Variants in CACNA2D1 observed in about 807,000 individuals in gnomAD.
CACNA2D1 encodes calcium voltage-gated channel auxiliary subunit alpha2delta 1, also known as voltage-dependent calcium channel subunit alpha-2/delta-1.
In CACNA2D1, 53 loss-of-function variants were observed where a neutral mutation model predicts 171.5. The observed-to-expected ratio is 0.31, with a 90% CI of 0.25 to 0.39. The LOEUF is 0.39. CACNA2D1 is among the 10% of genes least tolerant of loss of function. The pLI is 1.00. For synonymous variants in CACNA2D1, 442 were observed against 443.1 expected, an observed-to-expected ratio of 1.00 and a Z score of 0.03; for missense variants, 903 against 1,299.8, an observed-to-expected ratio of 0.69 and a Z score of 4.69.
chr7:82,320,674 C>A (rs1007471954), intron 3 of CACNA2D1, among the ~76,000 whole-genome samples: 1 of 151,506 alleles, frequency 6.6e-6, no homozygotes, highest in Non-Finnish European at 1.5e-5. Flanking sequence ...CTCAGCCTCC[C>A]AAAATGTTGA....
At chr7:82,259,107 G>A (rs114847721) in intron 3 of CACNA2D1, among the ~76,000 whole-genome samples, 1,587 of 152,114 alleles carry the variant, frequency 0.01, 22 homozygotes, top group African/African-American at 0.036. Flanking sequence ...AATTACAGGC[G>A]TGAGCCACCA....
At chr7:82,314,684 T>C (rs1026135901) in intron 3 of CACNA2D1, among the ~76,000 whole-genome samples, 12 of 152,174 alleles carry the variant, frequency 7.9e-5, no homozygotes, top group Admixed American at 3.9e-4. Flanking sequence ...AAAAAATATT[T>C]ACCAATTTTA....
intron 3 of CACNA2D1, among the ~76,000 whole-genome samples, chr7:82,300,639 C>T (rs1447660641): frequency 6.6e-6 from 1 of 152,050 alleles, no homozygotes; most frequent in Non-Finnish European, 1.5e-5. Context: ...AACTTAAGGA[C>T]ATTATTAAAT....
chr7:82,217,815 A>C (rs941330323), intron 3 of CACNA2D1, among the ~76,000 whole-genome samples: 2 of 151,700 alleles, frequency 1.3e-5, no homozygotes, highest in East Asian at 1.9e-4. Flanking sequence ...GTTTTTCATC[A>C]TTCTGTCACC....
intron 8 of CACNA2D1, among the ~76,000 whole-genome samples, chr7:82,065,728 CTTCA>C (rs1807519278): frequency 6.6e-6 from 1 of 152,122 alleles, no homozygotes; most frequent in African/African-American, 2.4e-5. Flanking sequence ...TCCATATAGT[CTTCA>C]TTCAAATGAT....
chr7:82,161,897 A>G (rs1180118985), intron 4 of CACNA2D1, among the ~76,000 whole-genome samples: 1 of 152,032 alleles, frequency 6.6e-6, no homozygotes, highest in Admixed American at 6.6e-5. Flanking sequence ...CTAAATTTAG[A>G]CAACATTAAA....
At chr7:82,092,767 T>A (rs1414286978) in intron 6 of CACNA2D1, among the ~76,000 whole-genome samples, 1 of 152,012 alleles carries the variant, frequency 6.6e-6, no homozygotes, top group African/African-American at 2.4e-5. Flanking sequence ...ATTTCTATTC[T>A]ATATTTTAGA....
chr7:81,976,645 G>C (rs909867797), intron 24 of CACNA2D1, among the ~76,000 whole-genome samples: 3 of 152,134 alleles, frequency 2.0e-5, no homozygotes, highest in Non-Finnish European at 2.9e-5. Flanking sequence ...ACGAGGTCAA[G>C]AGTTTCAGGC....
intron 38 of CACNA2D1, among the ~76,000 whole-genome samples, chr7:81,956,423 ATAAGGACAAT>A (rs1793357934): frequency 6.6e-6 from 1 of 152,182 alleles, no homozygotes; most frequent in Non-Finnish European, 1.5e-5. Flanking sequence ...AAAAGGGAAA[ATAAGGACAAT>A]TATAGAAATA....
At chr7:82,400,286 C>T (rs2129451687) in intron 1 of CACNA2D1, among the ~76,000 whole-genome samples, 1 of 151,578 alleles carries the variant, frequency 6.6e-6, no homozygotes, top group East Asian at 1.9e-4. Flanking sequence ...TGTAAATTAC[C>T]TTGGGCAGTA....
chr7:82,323,459 G>A (rs771389978), intron 3 of CACNA2D1, among the ~76,000 whole-genome samples: 2 of 152,086 alleles, frequency 1.3e-5, no homozygotes, highest in East Asian at 1.9e-4. Flanking sequence ...TACCACTAAC[G>A]ACCTATGCGC....
At chr7:82,185,621 C>T (rs1477115608) in intron 3 of CACNA2D1, among the ~76,000 whole-genome samples, 1 of 130,964 alleles carries the variant, frequency 7.6e-6, no homozygotes, top group Non-Finnish European at 1.7e-5. Flanking sequence ...TCTTCAGAAA[C>T]TCAACTAACT....
intron 13 of CACNA2D1, 42 bp downstream of exon 13, chr7:82,014,359 T>C (rs748812276): frequency 2.8e-6 from 3 of 1,059,306 alleles, no homozygotes; most frequent in Middle Eastern, 2.0e-4. Context: ...ACTACCAAAA[T>C]AGTTTTTCTT....
chr7:82,062,034 T>C (rs1191586725), intron 9 of CACNA2D1, among the ~76,000 whole-genome samples: 1 of 152,212 alleles, frequency 6.6e-6, no homozygotes, highest in Non-Finnish European at 1.5e-5. Context: ...ATTATTTAAC[T>C]ACATCTACAT....
chr7:82,299,861 T>G (rs1235734839), intron 3 of CACNA2D1, among the ~76,000 whole-genome samples: 1 of 152,172 alleles, frequency 6.6e-6, no homozygotes, highest in Non-Finnish European at 1.5e-5. Context: ...ACCTATATTT[T>G]ACTCATTAAC....
chr7:82,431,551 C>A (rs185606543), intron 1 of CACNA2D1, among the ~76,000 whole-genome samples: 4 of 152,190 alleles, frequency 2.6e-5, no homozygotes, highest in Non-Finnish European at 4.4e-5. Flanking sequence ...GATGCTAAGA[C>A]CTCAAAGCTT....
chr7:81,995,403 C>CA (rs1377611153), intron 19 of CACNA2D1, among the ~76,000 whole-genome samples: 1 of 151,692 alleles, frequency 6.6e-6, no homozygotes, highest in Non-Finnish European at 1.5e-5. Context: ...ATCTGGGTAC[C>CA]AAAAAAATCT....
intron 3 of CACNA2D1, among the ~76,000 whole-genome samples, chr7:82,267,649 A>C (rs1007731775): frequency 6.6e-6 from 1 of 152,122 alleles, no homozygotes; most frequent in Non-Finnish European, 1.5e-5. Context: ...TACAACAGCA[A>C]ACATGATTAT....
At chr7:82,425,388 C>T (rs1051278732) in intron 1 of CACNA2D1, among the ~76,000 whole-genome samples, 1 of 152,062 alleles carries the variant, frequency 6.6e-6, no homozygotes, top group Non-Finnish European at 1.5e-5. Context: ...AAGGGGCCAC[C>T]ACGACTCCTC....
Sources: gnomAD v4.1 joint callset for allele counts (sites outside exome capture counted in the v4.1 genomes callset) on GRCh38, gnomAD v4.1.1 for gene constraint, MANE v1.5 for transcripts, NCBI Gene and HGNC (gene_info 2026-07-23, HGNC 2026-07-21) for gene names.